The following XPR1 variants were observed in gnomAD, a reference collection of about 807,000 sequenced individuals.
XPR1 encodes xenotropic and polytropic retrovirus receptor 1.
Under a neutral mutation model 87.5 loss-of-function variants are expected in XPR1, and 28 were observed. The ratio of observed to expected loss-of-function variants is 0.32; its 90% confidence interval spans 0.24 to 0.44. The LOEUF (loss-of-function observed/expected upper bound fraction) is 0.44. Ranked by LOEUF, XPR1 falls within the 20% of genes least tolerant of loss-of-function variation. XPR1 has a pLI of 1.00. For synonymous variants in XPR1, 300 were observed against 306.1 expected, an observed-to-expected ratio of 0.98 and a Z score of 0.21; for missense variants, 559 against 862.3, an observed-to-expected ratio of 0.65 and a Z score of 4.41.
rs750788810 is a variant in XPR1, at chr1:180,632,207, G to T, written c.6G>T (p.Lys2Asn). 6.2e-7 allele frequency: 1 copy of T among 1,609,156 alleles called. No homozygotes were observed. The change falls in exon 1 of 15, where the codon AAG (lysine) becomes AAT (asparagine). Residue 2 changes from lysine (K) to asparagine (N), a missense_variant. Around this residue, in one of 7 missense-constraint regions of XPR1, gnomAD observed 159 missense variants for 263.3 expected, o/e 0.60. Coordinates refer to ENST00000367590, the MANE Select transcript of XPR1 (RefSeq NM_004736.4). M[K>N]FAEHLSAHIT... ...AGTGAGGGGGAAACGGCAGGATGAA[G>T]TTCGCCGAGCACCTCTCCGCGCACA... is the stretch of plus-strand genomic sequence containing the variant.
intron 11 of XPR1, among the ~76,000 whole-genome samples, chr1:180,861,088 C>T (rs904287638): frequency 2.0e-5 from 3 of 152,076 alleles, no homozygotes; most frequent in Non-Finnish European, 2.9e-5. Flanking sequence ...TCCATATCAC[C>T]TATACTCACT....
intron 2 of XPR1, among the ~76,000 whole-genome samples, chr1:180,719,487 T>G (rs1466006356): frequency 6.6e-6 from 1 of 152,208 alleles, no homozygotes; most frequent in Non-Finnish European, 1.5e-5. Flanking sequence ...ACTTTTTGCT[T>G]TATTAGTTTT....
intron 1 of XPR1, among the ~76,000 whole-genome samples, chr1:180,655,033 T>A (rs143448869): frequency 1.3e-5 from 2 of 152,298 alleles, no homozygotes; most frequent in Non-Finnish European, 2.9e-5. Flanking sequence ...AGCTGTACCA[T>A]TTTACATTTC....
chr1:180,761,277 A>C (rs1372320925), intron 2 of XPR1, among the ~76,000 whole-genome samples: 1 of 152,164 alleles, frequency 6.6e-6, no homozygotes, highest in Non-Finnish European at 1.5e-5. Context: ...AATGGGATCG[A>C]ATTAAACTAA....
intron 2 of XPR1, among the ~76,000 whole-genome samples, chr1:180,722,119 T>A (rs1658196418): frequency 6.6e-6 from 1 of 151,616 alleles, no homozygotes; most frequent in South Asian, 2.1e-4. Flanking sequence ...AAAAAAAAAA[T>A]TAGTCATGTG....
chr1:180,663,506 T>C (rs1036364830), intron 1 of XPR1, among the ~76,000 whole-genome samples: 2 of 152,218 alleles, frequency 1.3e-5, no homozygotes, highest in Non-Finnish European at 2.9e-5. Flanking sequence ...AGTTTATCTT[T>C]CTGTGCTGAG....
intron 1 of XPR1, among the ~76,000 whole-genome samples, chr1:180,647,167 G>T (rs1388017307): frequency 6.6e-6 from 1 of 152,200 alleles, no homozygotes; most frequent in Non-Finnish European, 1.5e-5. Flanking sequence ...GACTCTAATG[G>T]CACTGCTGAT....
chr1:180,824,634 G>C, intron 7 of XPR1, 119 bp from the exon 8 acceptor site: 1 of 846,522 alleles, frequency 1.2e-6, no homozygotes, highest in Non-Finnish European at 1.8e-6. Flanking sequence ...CTAGGTTTAG[G>C]TTTTATTTAT....
chr1:180,729,090 T>A (rs1444864868), intron 2 of XPR1, among the ~76,000 whole-genome samples: 1 of 152,142 alleles, frequency 6.6e-6, no homozygotes, highest in Non-Finnish European at 1.5e-5. Context: ...GAACATGAGG[T>A]ATTTGGTTTT....
rs989976135 is a variant in XPR1 at position 180,889,257 on chromosome 1, G to T, written c.*5191G>T. ...TGTATGGTGCCATCAACCTAAGGAG[G>T]ACAATCAAATAACCTATTGTTTGCC... On this transcript the variant is annotated 3_prime_UTR_variant, in exon 15 of 15. Coordinates refer to ENST00000367590, the MANE Select transcript of XPR1 (RefSeq NM_004736.4). 2.0e-5 allele frequency: 3 copies of T among 152,186 alleles called. No homozygotes were observed. The highest frequency in any genetic ancestry group is 2.1e-4 in the South Asian group (1 of 4,834). The allele number at this position is 152,186 out of a possible 1,614,324, so 9.4% of individuals were successfully genotyped here.
intron 11 of XPR1, among the ~76,000 whole-genome samples, chr1:180,857,877 G>A (rs1652086558): frequency 6.6e-6 from 1 of 152,150 alleles, no homozygotes; most frequent in African/African-American, 2.4e-5. Context: ...GTAGTAAACA[G>A]TTCTTGAATT....
chr1:180,767,082 A>G (rs914081736), intron 2 of XPR1, among the ~76,000 whole-genome samples: 1 of 152,156 alleles, frequency 6.6e-6, no homozygotes, highest in African/African-American at 2.4e-5. Flanking sequence ...TCACTTGACC[A>G]AGTTCTTGTT....
chr1:180,834,777 C>A (rs778700766), intron 9 of XPR1, 97 bp from the exon 10 acceptor site: 44 of 1,328,292 alleles, frequency 3.3e-5, no homozygotes, highest in Non-Finnish European at 4.1e-5. Flanking sequence ...TCCATTTTAT[C>A]AACTAAAGTA....
At chr1:180,856,614 T>A (rs1358399587) in intron 11 of XPR1, among the ~76,000 whole-genome samples, 1 of 152,210 alleles carries the variant, frequency 6.6e-6, no homozygotes, top group African/African-American at 2.4e-5. Context: ...TCTAACCTAG[T>A]TTATGGCACC....
chr1:180,798,330 G>T (rs897695473), intron 3 of XPR1, among the ~76,000 whole-genome samples: 3 of 151,930 alleles, frequency 2.0e-5, no homozygotes, highest in African/African-American at 4.8e-5. Flanking sequence ...TCAAACTGTA[G>T]ATTTAGGTAG....
chr1:180,713,431 C>A (rs1194220589), intron 2 of XPR1, among the ~76,000 whole-genome samples: 1 of 152,122 alleles, frequency 6.6e-6, no homozygotes, highest in East Asian at 1.9e-4. Context: ...GTGTCATCTG[C>A]CAATGAAGAC....
intron 2 of XPR1, among the ~76,000 whole-genome samples, chr1:180,696,208 GTA>G (rs71121045): frequency 0.054 from 4,794 of 88,164 alleles, 135 homozygotes; most frequent in East Asian, 0.088. Flanking sequence ...GTGTGTGTGT[GTA>G]TATATATATA....
intron 11 of XPR1, among the ~76,000 whole-genome samples, chr1:180,847,357 A>G (rs1651718897): frequency 6.6e-6 from 1 of 152,188 alleles, no homozygotes; most frequent in African/African-American, 2.4e-5. Context: ...GCTCTTCTCA[A>G]TTTAATCAAC....
chr1:180,840,296 T>C (rs966836136), intron 11 of XPR1, among the ~76,000 whole-genome samples: 6 of 151,724 alleles, frequency 4.0e-5, no homozygotes, highest in African/African-American at 1.5e-4. Flanking sequence ...CAGCGTCACC[T>C]TTAGAAATGG....
Sources: allele counts gnomAD v4.1 joint callset (sites outside exome capture counted in the v4.1 genomes callset), GRCh38; gene constraint gnomAD v4.1.1; regional missense constraint gnomAD v4.1.1; transcripts MANE v1.5; gene names NCBI Gene and HGNC (gene_info 2026-07-23, HGNC 2026-07-21).